The following STXBP6 variants were observed in gnomAD, a reference collection of about 807,000 sequenced individuals.
The protein encoded by STXBP6 is syntaxin-binding protein 6.
Under a neutral mutation model 26.9 loss-of-function variants are expected in STXBP6, and 21 were observed. The ratio of observed to expected loss-of-function variants is 0.78; its 90% CI spans 0.55 to 1.12. The LOEUF (loss-of-function observed/expected upper bound fraction) is 1.12. Among genes scored for constraint, STXBP6 ranks in the 50% most tolerant of loss-of-function variants. The pLI, the probability that STXBP6 is intolerant of heterozygous loss-of-function variation, is 0.00. For missense variants in STXBP6, 232 were observed against 257.9 expected, an observed-to-expected ratio of 0.90 and a Z score of 0.69; for synonymous variants, 97 against 92.6, an observed-to-expected ratio of 1.05 and a Z score of -0.27.
chr14:24,905,008 T>C (rs552657215), intron 2 of STXBP6, among the ~76,000 whole-genome samples: 5 of 152,312 alleles, frequency 3.3e-5, no homozygotes, highest in Admixed American at 2.0e-4. Context: ...CTAGTGACAA[T>C]GTGGCCTTGG....
chr14:24,926,972 C>T (rs934101992), intron 2 of STXBP6, among the ~76,000 whole-genome samples: 7 of 151,946 alleles, frequency 4.6e-5, no homozygotes, highest in East Asian at 1.9e-4. Context: ...TACGTCTAGC[C>T]GAAGCTGATC....
At chr14:25,036,214 C>CAAAAAA (rs559433301) in intron 1 of STXBP6, among the ~76,000 whole-genome samples, 2 of 80,714 alleles carry the variant, frequency 2.5e-5, no homozygotes, top group Non-Finnish European at 5.4e-5. Flanking sequence ...AAGACTCCAT[C>CAAAAAA]AAAAAAAAAA....
chr14:25,004,095 T>C (rs1239178180), intron 1 of STXBP6, among the ~76,000 whole-genome samples: 1 of 152,210 alleles, frequency 6.6e-6, no homozygotes, highest in Non-Finnish European at 1.5e-5. Context: ...CAAGAGCGAA[T>C]GTGAGTGATC....
chr14:24,879,735 C>CA (rs34113024), intron 2 of STXBP6, among the ~76,000 whole-genome samples: 49,328 of 151,946 alleles, frequency 0.32, 8,360 homozygotes, highest in Admixed American at 0.46. Flanking sequence ...CTCTAAGCTC[C>CA]AGGCACTCTT....
intron 4 of STXBP6, among the ~76,000 whole-genome samples, chr14:24,830,171 G>T (rs939014148): frequency 1.3e-5 from 2 of 152,068 alleles, no homozygotes; most frequent in Non-Finnish European, 2.9e-5. Context: ...GCAAGAGGCA[G>T]ATTAGATAGG....
chr14:24,860,995 T>C (rs1037544860), intron 2 of STXBP6, among the ~76,000 whole-genome samples: 3 of 152,044 alleles, frequency 2.0e-5, no homozygotes, highest in African/African-American at 7.2e-5. Context: ...ACTATACACA[T>C]TGAACTTGAA....
At chr14:24,855,505 G>A in intron 4 of STXBP6, among the ~76,000 whole-genome samples, 1 of 152,026 alleles carries the variant, frequency 6.6e-6, no homozygotes, top group East Asian at 1.9e-4. Flanking sequence ...TGAAAGAAAG[G>A]GGAAGCATCT....
At chr14:25,024,429 G>A (rs1195247386) in intron 1 of STXBP6, among the ~76,000 whole-genome samples, 1 of 152,156 alleles carries the variant, frequency 6.6e-6, no homozygotes, top group African/African-American at 2.4e-5. Context: ...AGGCTCAGAG[G>A]TTATCCAAAG....
chr14:24,994,317 T>C lies in STXBP6; in HGVS notation c.-32-19467A>G, dbSNP rs143508210. On this transcript the variant is annotated intron_variant, in intron 1 of 5. Coordinates refer to ENST00000323944, the MANE Select transcript of STXBP6 (RefSeq NM_001394410.1). The stretch of plus-strand genomic sequence containing the variant: ...TCTAGAATGTCTGTCATCAACTTAA[T>C]AGCTCACTAATGCCATCAGGAGAGT... Among the ~76,000 whole-genome samples the C allele has an allele frequency of 5.3e-3, 814 of 152,318 alleles. 9 individuals carry two copies. Among genetic ancestry groups the C allele is most frequent in the African/African-American group, 0.019 (783 of 41,590 alleles).
chr14:24,933,231 A>G (rs1420595117), intron 2 of STXBP6, among the ~76,000 whole-genome samples: 1 of 152,178 alleles, frequency 6.6e-6, no homozygotes, highest in Non-Finnish European at 1.5e-5. Context: ...AGTCCCAACT[A>G]CTTGGGAGGC....
At chr14:24,882,378 C>CCAAAAAAAAAAAAA (rs2070400666) in intron 2 of STXBP6, among the ~76,000 whole-genome samples, 1 of 26,830 alleles carries the variant, frequency 3.7e-5, no homozygotes, top group East Asian at 1.4e-3. Context: ...GACTCCGTCT[C>CCAAAAAAAAAAAAA]AAAAAAAAAA....
chr14:24,878,769 T>C (rs1439059232), intron 2 of STXBP6: 2 of 452,516 alleles, frequency 4.4e-6, no homozygotes, highest in Admixed American at 2.4e-5. Context: ...TGGTCTTCTC[T>C]CTAAAATTCA....
intron 1 of STXBP6, among the ~76,000 whole-genome samples, chr14:25,030,315 T>G (rs10131354): frequency 0.25 from 37,465 of 152,106 alleles, 6,091 homozygotes; most frequent in African/African-American, 0.46. Context: ...AGGCAGGGCC[T>G]GGGCCACTGA....
intron 2 of STXBP6, among the ~76,000 whole-genome samples, chr14:24,943,570 T>G (rs1030536930): frequency 6.6e-6 from 1 of 152,230 alleles, no homozygotes; most frequent in Non-Finnish European, 1.5e-5. Context: ...TCTGAATTAT[T>G]TGTTAAAAAG....
intron 1 of STXBP6, among the ~76,000 whole-genome samples, chr14:25,016,320 T>C (rs1185172436): frequency 3.3e-5 from 5 of 152,176 alleles, no homozygotes; most frequent in African/African-American, 1.2e-4. Flanking sequence ...AAATTAATTT[T>C]TTCTTTAAAA....
At chr14:25,019,121 T>C (rs2075213966) in intron 1 of STXBP6, among the ~76,000 whole-genome samples, 1 of 152,206 alleles carries the variant, frequency 6.6e-6, no homozygotes, top group Admixed American at 6.5e-5. Context: ...GAACTAATCA[T>C]TTGTCCATAG....
At chr14:24,909,042 T>C (rs1290775744) in intron 2 of STXBP6, among the ~76,000 whole-genome samples, 1 of 152,250 alleles carries the variant, frequency 6.6e-6, no homozygotes, top group Non-Finnish European at 1.5e-5. Context: ...AAACCATATT[T>C]ACATTTCTGT....
intron 4 of STXBP6, among the ~76,000 whole-genome samples, chr14:24,823,770 A>G (rs890899701): frequency 2.6e-5 from 4 of 152,158 alleles, no homozygotes; most frequent in Admixed American, 2.0e-4. Context: ...ACTTATCTAA[A>G]CTAACTTAGA....
At chr14:24,999,965 G>A (rs146931830) in intron 1 of STXBP6, among the ~76,000 whole-genome samples, 5 of 152,210 alleles carry the variant, frequency 3.3e-5, no homozygotes, top group East Asian at 1.9e-4. Flanking sequence ...AGGTTGTTTT[G>A]GTTACAAATT....
Sources: gnomAD v4.1 joint callset for allele counts (sites outside exome capture counted in the v4.1 genomes callset) on GRCh38, gnomAD v4.1.1 for gene constraint, MANE v1.5 for transcripts, NCBI Gene and HGNC (gene_info 2026-07-23, HGNC 2026-07-21) for gene names.